The following PLD5 variants were observed in gnomAD, a reference collection of about 807,000 sequenced individuals.
PLD5 encodes phospholipase D family member 5.
A neutral mutation model predicts 61.1 loss-of-function variants in PLD5; 36 were observed. That is an observed-to-expected ratio of 0.59 (90% CI 0.45 to 0.78). The LOEUF (loss-of-function observed/expected upper bound fraction) is 0.78. Ranked by LOEUF, PLD5 falls within the 30% of genes least tolerant of loss-of-function variation. The pLI, the probability that PLD5 is intolerant of heterozygous loss-of-function variation, is 0.00. For missense variants in PLD5, 515 were observed against 644.4 expected (o/e 0.80, Z 2.17); for synonymous variants, 243 against 242.8 (o/e 1.00, Z -0.01).
chr1:242,360,245 T>C (rs1436646592), intron 1 of PLD5, among the ~76,000 whole-genome samples: 1 of 152,154 alleles, frequency 6.6e-6, no homozygotes, highest in Non-Finnish European at 1.5e-5. Context: ...TCCTACTTAG[T>C]ACATGTTCAT....
intron 2 of PLD5, among the ~76,000 whole-genome samples, chr1:242,327,169 T>C (rs1574739447): frequency 8.1e-6 from 1 of 123,074 alleles, no homozygotes; most frequent in African/African-American, 3.1e-5. Flanking sequence ...CTGGCGCTAA[T>C]TTTTTTTTTT....
At chr1:242,182,762 G>A (rs1437173953) in intron 5 of PLD5, among the ~76,000 whole-genome samples, 2 of 152,172 alleles carry the variant, frequency 1.3e-5, no homozygotes, top group East Asian at 3.9e-4. Flanking sequence ...GGAATCTCTT[G>A]AACCCAGGAG....
chr1:242,147,415 T>C (rs1344534398), intron 5 of PLD5: 2 of 152,224 alleles, frequency 1.3e-5, no homozygotes, highest in Non-Finnish European at 2.9e-5. Flanking sequence ...CATTCTCCAG[T>C]TGAGAAACAT....
intron 2 of PLD5, among the ~76,000 whole-genome samples, chr1:242,329,689 C>G (rs1229500765): frequency 6.6e-6 from 1 of 152,174 alleles, no homozygotes; most frequent in Admixed American, 6.6e-5. Context: ...GGTTCCTAAT[C>G]CATATCATCG....
At chr1:242,168,773 T>C (rs1666509540) in intron 5 of PLD5, among the ~76,000 whole-genome samples, 1 of 151,824 alleles carries the variant, frequency 6.6e-6, no homozygotes, top group South Asian at 2.1e-4. Context: ...AAATAGCAGT[T>C]GTTTAAAGGT....
rs1187984122 is a variant in PLD5, at chr1:242,256,608, G to A, written c.607+8729C>T. Among the ~76,000 whole-genome samples, 2 of 152,182 alleles carry A rather than the reference G, an allele frequency of 1.3e-5. No individual in the cohort carries two copies. The highest frequency in any genetic ancestry group is 2.9e-5 in the Non-Finnish European group (2 of 68,038). On this transcript the variant is annotated intron_variant, in intron 4 of 9. Coordinates refer to ENST00000536534, the MANE Select transcript of PLD5 (RefSeq NM_001372062.1). The surrounding 1 kb of genome is among the most constrained non-coding windows in gnomAD (Gnocchi z 5.7). Reference sequence around the variant, plus strand: ...CAAGGCGCCATCTTGGAAGCACAGAGCAGCTCTCAGCAGACACTGAACCTG... The same window carrying A: ...CAAGGCGCCATCTTGGAAGCACAGAACAGCTCTCAGCAGACACTGAACCTG...
intron 5 of PLD5, among the ~76,000 whole-genome samples, chr1:242,207,323 G>C (rs1038314612): frequency 2.0e-5 from 3 of 152,026 alleles, no homozygotes; most frequent in South Asian, 2.1e-4. Flanking sequence ...GCTCACCTGG[G>C]CACTTTCTCT....
intron 5 of PLD5, among the ~76,000 whole-genome samples, chr1:242,145,766 G>C (rs1452149527): frequency 2.0e-5 from 3 of 152,102 alleles, no homozygotes; most frequent in African/African-American, 7.2e-5. Context: ...TCCGCCTCCT[G>C]GGTTTAAGTG....
At chr1:242,278,537 C>A (rs1674540029) in intron 3 of PLD5, among the ~76,000 whole-genome samples, 1 of 152,182 alleles carries the variant, frequency 6.6e-6, no homozygotes, top group Admixed American at 6.5e-5. Flanking sequence ...GCAGCAGGAA[C>A]ATACCAAGAA....
chr1:242,140,492 C>G (rs529320446), intron 5 of PLD5, among the ~76,000 whole-genome samples: 1 of 152,034 alleles, frequency 6.6e-6, no homozygotes, highest in Non-Finnish European at 1.5e-5. Flanking sequence ...CAAAAATTAG[C>G]CAGGCATGGT....
At chr1:242,184,123 C>A (rs1316870772) in intron 5 of PLD5, among the ~76,000 whole-genome samples, 1 of 152,154 alleles carries the variant, frequency 6.6e-6, no homozygotes, top group East Asian at 1.9e-4. Context: ...CAAAGTGCTT[C>A]ATTTCTTGTT....
intron 1 of PLD5, among the ~76,000 whole-genome samples, chr1:242,460,231 C>A (rs1299621333): frequency 6.6e-6 from 1 of 152,144 alleles, no homozygotes; most frequent in Non-Finnish European, 1.5e-5. Context: ...GACCCTAAAT[C>A]CCTCACTAAC....
rs79510504 is a variant in PLD5 at position 242,423,636 on chromosome 1, T to C, written c.190-75394A>G. ...GGGCAACATATTGAGACCCCGTCTT[T>C]ATTTAAAAAAATGAGAATAAACAAA... On this transcript the variant is annotated intron_variant, in intron 1 of 9. Coordinates refer to ENST00000536534, the MANE Select transcript of PLD5 (RefSeq NM_001372062.1). 1.8e-3 allele frequency among the ~76,000 whole-genome samples: 274 copies of C among 152,226 alleles called. 6 individuals are homozygous for C. The East Asian group carries it at 0.039, about 22-fold the overall frequency.
chr1:242,207,781 TATTTATATTTA>T (rs1274066563), intron 5 of PLD5, among the ~76,000 whole-genome samples: 17 of 90,614 alleles, frequency 1.9e-4, no homozygotes, highest in African/African-American at 1.0e-3. Context: ...TATTTATATA[TATTTATATTTA>T]TATATATTTA....
intron 4 of PLD5, among the ~76,000 whole-genome samples, chr1:242,239,976 G>C (rs1574588100): frequency 6.6e-6 from 1 of 152,302 alleles, no homozygotes; most frequent in African/African-American, 2.4e-5. Context: ...TTTTGTTCGT[G>C]GCTACAGAAA....
chr1:242,270,835 A>G (rs113587019), intron 3 of PLD5, among the ~76,000 whole-genome samples: 8,626 of 152,276 alleles, frequency 0.057, 292 homozygotes, highest in Middle Eastern at 0.13. Context: ...ATCCAATGCT[A>G]TATCTCCAGT....
At chr1:242,238,934 G>A (rs1436454663) in intron 4 of PLD5, among the ~76,000 whole-genome samples, 1 of 152,110 alleles carries the variant, frequency 6.6e-6, no homozygotes, top group African/African-American at 2.4e-5. Context: ...TAACTCACTG[G>A]AAGGCTTGTA....
intron 9 of PLD5, among the ~76,000 whole-genome samples, chr1:242,095,808 C>T (rs1660176877): frequency 6.6e-6 from 1 of 152,104 alleles, no homozygotes; most frequent in Non-Finnish European, 1.5e-5. Context: ...CAAAAGTTCC[C>T]ATTTTTATTA....
intron 1 of PLD5, among the ~76,000 whole-genome samples, chr1:242,395,554 T>A (rs1174921639): frequency 6.6e-6 from 1 of 152,128 alleles, no homozygotes; most frequent in Non-Finnish European, 1.5e-5. Context: ...AAGCAAATCA[T>A]TTGTACTAAC....
Sources: allele counts gnomAD v4.1 joint callset (sites outside exome capture counted in the v4.1 genomes callset), GRCh38; gene constraint gnomAD v4.1.1; non-coding constraint Gnocchi (gnomAD v3.1); transcripts MANE v1.5; gene names NCBI Gene and HGNC (gene_info 2026-07-23, HGNC 2026-07-21).